The following MYO3A variants were observed in gnomAD, a reference collection of about 807,000 sequenced individuals.
MYO3A encodes the protein myosin IIIA, also known as myosin-IIIa.
MYO3A carries 180 observed loss-of-function variants against 192.7 expected under a neutral mutation model. The ratio of observed to expected loss-of-function variants is 0.93; its 90% CI spans 0.83 to 1.06. MYO3A has a LOEUF of 1.06. MYO3A is among the 50% of genes least tolerant of loss of function. The pLI is 0.00. For synonymous variants in MYO3A, 628 were observed against 645.3 expected, an observed-to-expected ratio of 0.97 and a Z score of 0.41; for missense variants, 1,896 against 1,905.0, an observed-to-expected ratio of 1.00 and a Z score of 0.09.
intron 2 of MYO3A, among the ~76,000 whole-genome samples, chr10:25,944,674 T>C (rs1191476858): frequency 6.6e-6 from 1 of 152,072 alleles, no homozygotes; most frequent in Admixed American, 6.6e-5. Context: ...TCATCTAGTT[T>C]ATCCAATTTG....
At chr10:25,980,249 A>G (rs1419206584) in intron 4 of MYO3A, among the ~76,000 whole-genome samples, 1 of 151,830 alleles carries the variant, frequency 6.6e-6, no homozygotes, top group Non-Finnish European at 1.5e-5. Context: ...AAAAAAAAAA[A>G]AAGCAAAAAA....
chr10:26,027,784 C>T (rs1842623131), intron 10 of MYO3A, among the ~76,000 whole-genome samples: 1 of 152,064 alleles, frequency 6.6e-6, no homozygotes, highest in South Asian at 2.1e-4. Flanking sequence ...GATAGCATTC[C>T]CTTGCCTGAC....
At chr10:26,101,957 A>G (rs924052346) in intron 17 of MYO3A, among the ~76,000 whole-genome samples, 1 of 152,050 alleles carries the variant, frequency 6.6e-6, no homozygotes, top group Non-Finnish European at 1.5e-5. Flanking sequence ...TTGCTTGGTT[A>G]GGGAAGTTCT....
chr10:26,077,546 G>A (rs1424947905), intron 14 of MYO3A, among the ~76,000 whole-genome samples: 1 of 151,794 alleles, frequency 6.6e-6, no homozygotes, highest in African/African-American at 2.4e-5. Context: ...GAAGACGAGT[G>A]GTAAGAATGG....
chr10:26,086,055 G>A (rs1836285119), intron 14 of MYO3A, among the ~76,000 whole-genome samples: 1 of 152,090 alleles, frequency 6.6e-6, no homozygotes, highest in Non-Finnish European at 1.5e-5. Flanking sequence ...GCTTGAAGGT[G>A]TATTAGCCCA....
intron 6 of MYO3A, among the ~76,000 whole-genome samples, chr10:26,001,167 C>T (rs1432527506): frequency 6.6e-6 from 1 of 152,172 alleles, no homozygotes; most frequent in African/African-American, 2.4e-5. Context: ...CTTCCTACCA[C>T]TCTCACTCGC....
intron 29 of MYO3A, among the ~76,000 whole-genome samples, 184 bp downstream of exon 29, chr10:26,170,723 T>C (rs1473633228): frequency 7.2e-5 from 11 of 152,258 alleles, no homozygotes; most frequent in Non-Finnish European, 1.5e-4. Context: ...ATTTCTCAAA[T>C]GTTTTCTTCC....
Position 26,068,858 on chromosome 10 carries a change from CAG to C in MYO3A, c.1147_1148del (p.Leu384GlyfsTer28). 1.3e-6 allele frequency: 2 copies of C among 1,592,892 alleles called. No homozygotes were observed. Among genetic ancestry groups the C allele is most frequent in the Non-Finnish European group, 1.7e-6 (2 of 1,160,840 alleles). ...CATACTCATTGCTCTTAACCCTTTTCAGAGTCTGGGTCTTTACTCCACAAAGG... is the reference window on the plus strand; with the variant it reads ...CATACTCATTGCTCTTAACCCTTTTCAGTCTGGGTCTTTACTCCACAAAGG... The part of the protein sequence containing the change: ...GDILIALNPF[Q>X]SLGLYSTKHS... On this transcript the variant is annotated frameshift_variant, in exon 12 of 35. Transcript: ENST00000642920. LOFTEE classifies it high-confidence loss of function.
chr10:26,021,862 C>T, intron 8 of MYO3A: 1 of 604,372 alleles, frequency 1.7e-6, no homozygotes. Flanking sequence ...TCTTGATAAT[C>T]AGTGTGTCTT....
At chr10:26,188,505 C>A (rs902539171) in intron 31 of MYO3A, among the ~76,000 whole-genome samples, 3 of 152,266 alleles carry the variant, frequency 2.0e-5, no homozygotes, top group Admixed American at 2.0e-4. Flanking sequence ...AATTAGATCC[C>A]ATTTGTCAAT....
intron 17 of MYO3A, among the ~76,000 whole-genome samples, chr10:26,119,580 A>G (rs967444698): frequency 5.3e-5 from 8 of 152,100 alleles, no homozygotes; most frequent in African/African-American, 1.4e-4. Context: ...GGAATATGGG[A>G]GTGAATGGAA....
intron 6 of MYO3A, among the ~76,000 whole-genome samples, chr10:26,011,926 G>A (rs1206068345): frequency 6.6e-6 from 1 of 152,154 alleles, no homozygotes; most frequent in African/African-American, 2.4e-5. Flanking sequence ...TCATCCCAGG[G>A]ATGCAGGGAT....
intron 4 of MYO3A, among the ~76,000 whole-genome samples, chr10:25,960,307 T>G (rs1177794930): frequency 6.6e-6 from 1 of 152,178 alleles, no homozygotes; most frequent in East Asian, 1.9e-4. Flanking sequence ...CATCTGATGC[T>G]GTATATTATT....
At position 25,996,512 on chromosome 10, in the gene MYO3A, C is replaced by T; in HGVS notation, c.326C>T (p.Thr109Ile). ...TAGCTCTGCAGTGGAGGATCAGTGA[C>T]TGACCTTGTGAAAGGATTTCTGAAG... Reference protein sequence around the residue: ...VLELCSGGSVTDLVKGFLKRG... With the variant: ...VLELCSGGSVIDLVKGFLKRG... Residue 109 changes from threonine (T) to isoleucine (I), a missense_variant, in exon 5 of 35, where the codon ACT (threonine) becomes ATT (isoleucine). Transcript: ENST00000642920. 6.2e-7 allele frequency: 1 copy of T among 1,613,862 alleles called. No homozygotes were observed.
At chr10:25,953,731 T>G (rs986047076) in intron 3 of MYO3A, among the ~76,000 whole-genome samples, 18 of 152,180 alleles carry the variant, frequency 1.2e-4, no homozygotes, top group Admixed American at 3.9e-4. Context: ...CTACAAGCCT[T>G]ATAAGTCCCC....
At chr10:25,975,796 A>G (rs1838930298) in intron 4 of MYO3A, among the ~76,000 whole-genome samples, 1 of 152,234 alleles carries the variant, frequency 6.6e-6, no homozygotes, top group Non-Finnish European at 1.5e-5. Context: ...AACATTAAAA[A>G]TTCTCTGCAC....
At chr10:26,089,513 A>G (rs1455520519) in intron 15 of MYO3A, among the ~76,000 whole-genome samples, 1 of 151,942 alleles carries the variant, frequency 6.6e-6, no homozygotes, top group Non-Finnish European at 1.5e-5. Context: ...AGGGAGGAGA[A>G]TGGCGTGAAC....
At chr10:26,152,508 A>G (rs928424526) in intron 23 of MYO3A, among the ~76,000 whole-genome samples, 2 of 152,234 alleles carry the variant, frequency 1.3e-5, no homozygotes, top group African/African-American at 2.4e-5. Context: ...CATATGACAT[A>G]CAGTTCAGCC....
At chr10:26,073,067 T>C (rs144238511) in intron 14 of MYO3A, among the ~76,000 whole-genome samples, 67 of 149,262 alleles carry the variant, frequency 4.5e-4, no homozygotes, top group African/African-American at 1.6e-3. Flanking sequence ...TATGAAAAAA[T>C]TTAAAAGTTA....
Sources: allele counts gnomAD v4.1 joint callset (sites outside exome capture counted in the v4.1 genomes callset), GRCh38; gene constraint gnomAD v4.1.1; transcripts MANE v1.5; gene names NCBI Gene and HGNC (gene_info 2026-07-23, HGNC 2026-07-21).